The following PRKG1 variants were observed in gnomAD, a reference collection of about 807,000 sequenced individuals.
PRKG1 encodes the protein protein kinase cGMP-dependent 1.
PRKG1 carries 35 observed loss-of-function variants against 88.1 expected under a neutral mutation model. The ratio of observed to expected loss-of-function variants is 0.40; its 90% CI spans 0.30 to 0.53. PRKG1 has a LOEUF of 0.53. PRKG1 is among the 20% of genes least tolerant of loss of function. PRKG1 has a pLI of 0.59. For synonymous variants in PRKG1, 303 were observed against 292.5 expected, an observed-to-expected ratio of 1.04 and a Z score of -0.37; for missense variants, 540 against 839.8, an observed-to-expected ratio of 0.64 and a Z score of 4.41.
At chr10:51,614,772 T>A (rs1238021882) in intron 3 of PRKG1, among the ~76,000 whole-genome samples, 1 of 152,054 alleles carries the variant, frequency 6.6e-6, no homozygotes, top group Non-Finnish European at 1.5e-5. Context: ...TAGGATTCTC[T>A]TGAGCATTTC....
intron 3 of PRKG1, among the ~76,000 whole-genome samples, chr10:51,627,782 C>G (rs1260108817): frequency 6.6e-6 from 1 of 152,010 alleles, no homozygotes; most frequent in Non-Finnish European, 1.5e-5. Context: ...TACCAAGCAC[C>G]TAGAAAGCCT....
chr10:52,091,769 C>T (rs547878275), intron 7 of PRKG1, among the ~76,000 whole-genome samples: 2 of 152,220 alleles, frequency 1.3e-5, no homozygotes, highest in Admixed American at 1.3e-4. Flanking sequence ...TTTGAGGTGT[C>T]CTCATTGTGA....
rs145830430 is a variant in PRKG1, at chr10:51,689,981, A to T, written c.593-114604A>T. On this transcript the variant is annotated intron_variant, in intron 3 of 17. Transcript: ENST00000373980. ...AATACCTGAGATGGGGTAATTTATA[A>T]AGAAAAGAGGTTTAATTGGCTCATG... Among the ~76,000 whole-genome samples the T allele has an allele frequency of 1.4e-3, 220 of 152,288 alleles. 7 individuals carry two copies. The highest frequency in any genetic ancestry group is 6.8e-3 in the Middle Eastern group (2 of 294).
At chr10:51,155,535 T>C (rs1423275672) in intron 2 of PRKG1, among the ~76,000 whole-genome samples, 1 of 152,004 alleles carries the variant, frequency 6.6e-6, no homozygotes, top group Non-Finnish European at 1.5e-5. Flanking sequence ...ACCCAGGCTA[T>C]TTGGATTCAG....
chr10:52,207,463 T>A (rs1839850023), intron 9 of PRKG1, among the ~76,000 whole-genome samples: 1 of 152,168 alleles, frequency 6.6e-6, no homozygotes, highest in African/African-American at 2.4e-5. Context: ...ATCCCACAAG[T>A]AAGACCACCC....
intron 2 of PRKG1, 71 bp from the exon 3 acceptor site, chr10:51,467,652 C>G: frequency 7.9e-7 from 1 of 1,265,908 alleles, no homozygotes; most frequent in African/African-American, 1.5e-5. Context: ...CACTCCTCTT[C>G]ACATTAAAAA....
At chr10:51,471,396 G>A (rs1322923958) in intron 3 of PRKG1, among the ~76,000 whole-genome samples, 1 of 151,722 alleles carries the variant, frequency 6.6e-6, no homozygotes, top group Non-Finnish European at 1.5e-5. Flanking sequence ...ACCCCACAGG[G>A]GCAAGAATGT....
intron 4 of PRKG1, among the ~76,000 whole-genome samples, chr10:51,874,587 A>G (rs1037719783): frequency 3.9e-5 from 6 of 152,234 alleles, no homozygotes. Context: ...GCATCTAAAT[A>G]AAGCTTTGCT....
intron 9 of PRKG1, among the ~76,000 whole-genome samples, chr10:52,174,478 G>A (rs897618333): frequency 2.0e-5 from 3 of 151,778 alleles, no homozygotes; most frequent in Non-Finnish European, 2.9e-5. Context: ...ATGAATAGAG[G>A]GGAGCAGGGA....
chr10:51,502,819 CCTT>C (rs1383507854), intron 3 of PRKG1, among the ~76,000 whole-genome samples: 1 of 152,124 alleles, frequency 6.6e-6, no homozygotes, highest in East Asian at 1.9e-4. Context: ...AAGTCCTTCT[CCTT>C]CTTGAATGAA....
At chr10:51,866,947 G>A (rs1841029701) in intron 4 of PRKG1, among the ~76,000 whole-genome samples, 1 of 152,090 alleles carries the variant, frequency 6.6e-6, no homozygotes, top group Non-Finnish European at 1.5e-5. Context: ...AATTACTTTA[G>A]AGTTTCATGA....
intron 3 of PRKG1, among the ~76,000 whole-genome samples, chr10:51,731,953 A>T (rs1253720755): frequency 6.6e-6 from 1 of 151,952 alleles, no homozygotes; most frequent in Non-Finnish European, 1.5e-5. Context: ...CTCTGGGTGC[A>T]TGGCCCCCTG....
intron 3 of PRKG1, among the ~76,000 whole-genome samples, chr10:51,618,396 C>G (rs1174135967): frequency 6.6e-6 from 1 of 152,138 alleles, no homozygotes; most frequent in Non-Finnish European, 1.5e-5. Context: ...AGGTAGAACA[C>G]AGGGAGGGAG....
intron 4 of PRKG1, among the ~76,000 whole-genome samples, chr10:51,813,883 C>T (rs1407019242): frequency 1.3e-5 from 2 of 151,924 alleles, no homozygotes; most frequent in South Asian, 4.1e-4. Flanking sequence ...AATATGTTCT[C>T]AAAAAAATGC....
intron 3 of PRKG1, among the ~76,000 whole-genome samples, chr10:51,694,569 C>A (rs951860333): frequency 1.3e-5 from 2 of 152,134 alleles, no homozygotes; most frequent in Non-Finnish European, 2.9e-5. Flanking sequence ...GACTAATGGG[C>A]AGGCACTGAT....
chr10:52,027,021 C>T (rs112856254), intron 5 of PRKG1, among the ~76,000 whole-genome samples: 2 of 140,496 alleles, frequency 1.4e-5, no homozygotes, highest in African/African-American at 6.2e-5. Flanking sequence ...TGAATTATAT[C>T]TCAATTTAAA....
chr10:51,609,485 T>C (rs1448375043), intron 3 of PRKG1, among the ~76,000 whole-genome samples: 2 of 152,238 alleles, frequency 1.3e-5, no homozygotes, highest in Non-Finnish European at 2.9e-5. Context: ...GTCCCATTAC[T>C]GGGTATATAC....
chr10:51,335,825 G>T (rs1406931999), intron 2 of PRKG1, among the ~76,000 whole-genome samples: 1 of 152,180 alleles, frequency 6.6e-6, no homozygotes, highest in African/African-American at 2.4e-5. Context: ...TACATGCAGA[G>T]AACTATGGCT....
chr10:51,312,659 CAT>C (rs1203475630), intron 2 of PRKG1, among the ~76,000 whole-genome samples: 2 of 151,314 alleles, frequency 1.3e-5, no homozygotes, highest in Non-Finnish European at 2.9e-5. Context: ...AGTAAACAAA[CAT>C]AGGGAATGTT....
Sources: gnomAD v4.1 joint callset for allele counts (sites outside exome capture counted in the v4.1 genomes callset) on GRCh38, gnomAD v4.1.1 for gene constraint, MANE v1.5 for transcripts, NCBI Gene and HGNC (gene_info 2026-07-23, HGNC 2026-07-21) for gene names.